Variants in CDH15 observed in about 807,000 individuals in gnomAD.
CDH15 encodes the protein cadherin 15.
CDH15 carries 73 observed loss-of-function variants against 69.4 expected under a neutral mutation model. The ratio of observed to expected loss-of-function variants is 1.05; its 90% CI spans 0.87 to 1.28. CDH15 has a LOEUF of 1.28. Ranked by LOEUF, CDH15 falls within the 50% of genes most tolerant of loss-of-function variation. The pLI is 0.00. For synonymous variants in CDH15, 624 were observed against 507.7 expected, an observed-to-expected ratio of 1.23 and a Z score of -3.08; for missense variants, 1,343 against 1,133.6, an observed-to-expected ratio of 1.18 and a Z score of -2.65.
chr16:89,187,153 C>T (rs183684245), intron 5 of CDH15, among the ~76,000 whole-genome samples: 24 of 151,574 alleles, frequency 1.6e-4, no homozygotes, highest in East Asian at 9.7e-4. Context: ...GCTCTGTAAA[C>T]GCTTACCCAG....
At chr16:89,186,540 C>T (rs368567018) in intron 5 of CDH15, among the ~76,000 whole-genome samples, 2,150 of 132,494 alleles carry the variant, frequency 0.016, 24 homozygotes, top group East Asian at 0.055. Context: ...TCTGTAAACG[C>T]TTACCCAGCG....
At chr16:89,177,281 C>T (rs1306959416) in intron 1 of CDH15, among the ~76,000 whole-genome samples, 2 of 152,090 alleles carry the variant, frequency 1.3e-5, no homozygotes, top group East Asian at 1.9e-4. Flanking sequence ...GGGCTGTGAG[C>T]GCTGGGCATG....
chr16:89,184,769 C>T (rs546473246), intron 4 of CDH15, among the ~76,000 whole-genome samples: 3 of 152,324 alleles, frequency 2.0e-5, no homozygotes, highest in Admixed American at 2.0e-4. Context: ...CCCTGGATGC[C>T]AGCAGCTCCT....
intron 6 of CDH15, among the ~76,000 whole-genome samples, chr16:89,187,772 T>C (rs530678161): frequency 1.3e-5 from 2 of 152,244 alleles, no homozygotes; most frequent in South Asian, 2.1e-4. Context: ...AGAGAGGCCC[T>C]TGGGGAGAAG....
At chr16:89,179,242 C>T (rs1475044886) in intron 1 of CDH15, among the ~76,000 whole-genome samples, 174 bp from the exon 2 acceptor site, 1 of 152,228 alleles carries the variant, frequency 6.6e-6, no homozygotes, top group Non-Finnish European at 1.5e-5. Flanking sequence ...TGCCTTTGCC[C>T]TTGTGCTACG....
chr16:89,176,549 G>C (rs993128329), intron 1 of CDH15, among the ~76,000 whole-genome samples: 1 of 152,192 alleles, frequency 6.6e-6, no homozygotes, highest in Admixed American at 6.5e-5. Flanking sequence ...CCCTCCGCTC[G>C]CACAATGTGG....
rs139525898 is a variant in CDH15 at position 89,190,336 on chromosome 16, G to C, written c.1072G>C (p.Gly358Arg). Residue 358 changes from glycine (G) to arginine (R), a missense_variant, in exon 8 of 14, where the codon GGC (glycine) becomes CGC (arginine). Transcript: ENST00000289746. Reference sequence around the variant, plus strand: ...GGCGGCTGCCCTTAGGGCTGAGCGGGGCCAGGCCAAGGTCCGCGTGCATGT... The same window carrying C: ...GGCGGCTGCCCTTAGGGCTGAGCGGCGCCAGGCCAAGGTCCGCGTGCATGT... ...LQAAALRAER[G>R]QAKVRVHVQD... 4.3e-6 allele frequency: 7 copies of C among 1,612,470 alleles called. No individual in the cohort carries two copies. In the African/African-American group the frequency reaches 9.3e-5, roughly 22 times the overall value.
chr16:89,194,445 G>A (rs904751433), intron 13 of CDH15, among the ~76,000 whole-genome samples: 3 of 152,202 alleles, frequency 2.0e-5, no homozygotes, highest in African/African-American at 4.8e-5. Context: ...GTGTCCCCAC[G>A]AGCTGAGAGG....
In CDH15 at chr16:89,171,786, C is replaced by T. The variant is rs1375186217; in HGVS notation, c.-46C>T. ...GCTGTCACTCAGCCTGGACGCGCTTCTTCGGGTCGCGGGTGCACTCCGGCC... is the reference window on the plus strand; with the variant it reads ...GCTGTCACTCAGCCTGGACGCGCTTTTTCGGGTCGCGGGTGCACTCCGGCC... On this transcript the variant is annotated 5_prime_UTR_variant, in exon 1 of 14. Transcript: ENST00000289746. The T allele has an allele frequency of 2.0e-6, 3 of 1,538,274 alleles. No individual in the cohort carries two copies. The highest frequency in any genetic ancestry group is 1.4e-5 in the African/African-American group (1 of 72,946).
In CDH15 at chr16:89,180,233, A is replaced by G; in HGVS notation, c.235A>G (p.Ile79Val). 6.2e-7 allele frequency: 1 copy of G among 1,610,754 alleles called. No individual in the cohort carries two copies. Among genetic ancestry groups the G allele is most frequent in the Non-Finnish European group, 8.5e-7 (1 of 1,178,866 alleles). ...GGACAAGCAGCAGCTGGGCAGCGTC[A>G]TCTACAGCATCCAGGGACCCGGCGT... ...KSDKQQLGSVIYSIQGPGVDE... is the reference protein window; with the variant it reads ...KSDKQQLGSVVYSIQGPGVDE... The change falls in exon 3 of 14, where the codon ATC becomes GTC. Residue 79 changes from isoleucine (I) to valine (V), a missense_variant. Coordinates refer to ENST00000289746, the MANE Select transcript of CDH15 (RefSeq NM_004933.3).
At chr16:89,186,975 G>A (rs894572156) in intron 5 of CDH15, among the ~76,000 whole-genome samples, 9 of 149,698 alleles carry the variant, frequency 6.0e-5, no homozygotes, top group Non-Finnish European at 8.9e-5. Flanking sequence ...GCACACAGTA[G>A]GTGCTCTGTA....
At chr16:89,187,731 G>A (rs544641082) in intron 6 of CDH15, among the ~76,000 whole-genome samples, 174 bp downstream of exon 6, 150 of 152,314 alleles carry the variant, frequency 9.8e-4, no homozygotes, top group African/African-American at 3.5e-3. Context: ...GGGGTGCTGC[G>A]TGGCAGTGTG....
chr16:89,185,191 C>G lies in CDH15; in HGVS notation c.521C>G (p.Ala174Gly). Residue 174 changes from alanine to glycine, a missense_variant, in exon 5 of 14, where the codon GCA (alanine) becomes GGA (glycine). By Grantham distance (60) the Ala-to-Gly change is moderately conservative. Transcript: ENST00000289746. ...TTCCCAGGCACCTATGTGACCAGGG[C>G]AGAGGCCACAGATGCCGACGACCCC... ...GAVPGTYVTR[A>G]EATDADDPET... 6.2e-7 allele frequency: 1 copy of G among 1,602,504 alleles called. No individual in the cohort carries two copies. Among genetic ancestry groups the G allele is most frequent in the Non-Finnish European group, 8.5e-7 (1 of 1,175,460 alleles).
At chr16:89,184,711 A>G (rs1256031322) in intron 4 of CDH15, among the ~76,000 whole-genome samples, 9 of 151,446 alleles carry the variant, frequency 5.9e-5, no homozygotes, top group Non-Finnish European at 8.8e-5. Flanking sequence ...CCTCTGTCTT[A>G]TCCTGCCCGT....
At chr16:89,185,015 G>A (rs780106403) in intron 4 of CDH15, among the ~76,000 whole-genome samples, 158 bp from the exon 5 acceptor site, 6 of 152,230 alleles carry the variant, frequency 3.9e-5, no homozygotes, top group Admixed American at 2.0e-4. Flanking sequence ...TGGCCGCCTC[G>A]GTGACGCAAA....
At chr16:89,180,974 C>CTTTTTTTTTTTTT (rs770080908) in intron 3 of CDH15, among the ~76,000 whole-genome samples, 8 of 96,990 alleles carry the variant, frequency 8.2e-5, no homozygotes, top group Non-Finnish European at 1.2e-4. Context: ...CGCGCCCGAC[C>CTTTTTTTTTTTTT]TTTTTTTTTT....
chr16:89,175,945 C>T (rs1049242551), intron 1 of CDH15, among the ~76,000 whole-genome samples: 3 of 152,260 alleles, frequency 2.0e-5, no homozygotes, highest in Admixed American at 6.5e-5. Context: ...AGGCTGCTGC[C>T]GCTGCCTGTG....
intron 3 of CDH15, among the ~76,000 whole-genome samples, chr16:89,180,986 T>TTTTTTTTTTTTTTTTTTTC (rs1915365875): frequency 6.7e-6 from 1 of 149,606 alleles, no homozygotes; most frequent in Non-Finnish European, 1.5e-5. Context: ...TTTTTTTTTT[T>TTTTTTTTTTTTTTTTTTTC]TGAGATGGAG....
At chr16:89,190,575 C>A (rs752093942) in intron 8 of CDH15, 79 bp downstream of exon 8, 2 of 1,520,136 alleles carry the variant, frequency 1.3e-6, no homozygotes, top group South Asian at 1.2e-5. Context: ...GATCCCTGGG[C>A]TCTGAGGGTC....
Sources: allele counts gnomAD v4.1 joint callset (sites outside exome capture counted in the v4.1 genomes callset), GRCh38; gene constraint gnomAD v4.1.1; transcripts MANE v1.5; gene names NCBI Gene and HGNC (gene_info 2026-07-23, HGNC 2026-07-21).